Variants in ZNF721 observed in about 807,000 individuals in gnomAD.
ZNF721 encodes zinc finger protein 721.
Under a neutral mutation model 2.4 loss-of-function variants are expected in ZNF721, and 2 were observed. The observed-to-expected ratio is 0.82, with a 90% CI of 0.34 to 2.58. ZNF721 has a LOEUF of 2.58. ZNF721 is among the 30% of genes most tolerant of loss of function. The probability of loss-of-function intolerance (pLI) is 0.11; values close to 1 mark genes in which losing one functional copy is unlikely to be tolerated. For missense variants in ZNF721, 1,187 were observed against 1,085.5 expected (o/e 1.09, Z -1.31); for synonymous variants, 398 against 381.8 (o/e 1.04, Z -0.50).
At chr4:470,592 A>T (rs993928475) in intron 2 of ZNF721, among the ~76,000 whole-genome samples, 5 of 152,096 alleles carry the variant, frequency 3.3e-5, no homozygotes, top group Non-Finnish European at 5.9e-5. Flanking sequence ...GCATGCCTGT[A>T]ATTCCCAGCT....
In ZNF721 at chr4:444,414, G is replaced by C; in HGVS notation, c.53C>G (p.Thr18Ser). ...CCCCTGCACTGGCAAAAAGTCTTGG[G>C]TGAAATGAGAACACATAGCTGAAAG... is the stretch of plus-strand genomic sequence containing the variant. ...LVSLAMCSHF[T>S]QDFLPVQGIE... The change falls in exon 3 of 3, where the codon ACC (threonine) becomes AGC (serine). Residue 18 changes from threonine to serine, a missense_variant. Coordinates refer to ENST00000511833, the MANE Select transcript of ZNF721 (RefSeq NM_133474.4). 6.3e-7 allele frequency: 1 copy of C among 1,587,576 alleles called. No homozygotes were observed. The highest frequency in any genetic ancestry group is 8.6e-7 in the Non-Finnish European group (1 of 1,168,718).
intron 2 of ZNF721, among the ~76,000 whole-genome samples, chr4:446,974 C>T (rs989305625): frequency 2.0e-5 from 3 of 152,180 alleles, no homozygotes; most frequent in Non-Finnish European, 2.9e-5. Context: ...ACGTGAGTCA[C>T]CGCGCCTGGC....
In ZNF721 at chr4:441,843, C is replaced by G. The variant is rs1553863176; in HGVS notation, c.2624G>C (p.Arg875Thr). Residue 875 changes from arginine (R) to threonine (T), a missense_variant, in exon 3 of 3, where the codon AGA becomes ACA. Physicochemically the swap from Arg to Thr is moderately conservative, Grantham distance 71 (BLOSUM62 -1). Transcript: ENST00000511833. ...ATGCGCATAAAGATTTGCAGACTGT[C>G]TAAAGGTTTTGCCACATTCTCCACA... ...YTCGECGKTFRQSANLYAHKK... is the reference protein window; with the variant it reads ...YTCGECGKTFTQSANLYAHKK... 1 of 1,613,958 alleles carries G rather than the reference C, an allele frequency of 6.2e-7. No homozygotes were observed. The highest frequency in any genetic ancestry group is 1.1e-5 in the South Asian group (1 of 91,068).
intron 2 of ZNF721, among the ~76,000 whole-genome samples, chr4:458,249 A>G (rs1372881002): frequency 2.0e-5 from 3 of 152,204 alleles, no homozygotes; most frequent in African/African-American, 7.2e-5. Context: ...CAGAAAATAG[A>G]TAGAATCCAC....
At chr4:493,466 G>C (rs1352169333) in intron 1 of ZNF721, among the ~76,000 whole-genome samples, 1 of 152,160 alleles carries the variant, frequency 6.6e-6, no homozygotes. Context: ...GTCACCTACG[G>C]TCAGGAGTTC....
chr4:475,640 A>G (rs184743376), intron 1 of ZNF721, among the ~76,000 whole-genome samples: 1 of 152,024 alleles, frequency 6.6e-6, no homozygotes. Context: ...AAGTCTACCA[A>G]TTCTTCCTAT....
In ZNF721 at chr4:496,553, G is replaced by A. The variant is rs1553872222; in HGVS notation, c.-94+2503C>T. On this transcript the variant is annotated intron_variant, in intron 1 of 2. Coordinates refer to ENST00000511833, the MANE Select transcript of ZNF721 (RefSeq NM_133474.4). ...GGCAGGTGCTCTTATTTCTTCAGAG[G>A]GGAAGATTCTACACTCATGAGCTAG... Among the ~76,000 whole-genome samples, 6 of 152,048 alleles carry A rather than the reference G, an allele frequency of 3.9e-5. No homozygotes were observed. In the South Asian group the frequency reaches 1.2e-3, roughly 32 times the overall value.
At chr4:447,196 A>G (rs1173456060) in intron 2 of ZNF721, among the ~76,000 whole-genome samples, 1 of 151,724 alleles carries the variant, frequency 6.6e-6, no homozygotes, top group Non-Finnish European at 1.5e-5. Flanking sequence ...GGTGGCAGGC[A>G]CCGTACTCCC....
intron 2 of ZNF721, among the ~76,000 whole-genome samples, chr4:465,959 T>G (rs927509384): frequency 2.0e-5 from 3 of 151,862 alleles, no homozygotes; most frequent in Admixed American, 2.0e-4. Context: ...TCATAAGTTA[T>G]TTCTCTGCCT....
At chr4:453,904 A>C (rs1258057251) in intron 2 of ZNF721, 1 of 152,200 alleles carries the variant, frequency 6.6e-6, no homozygotes, top group Admixed American at 6.5e-5. Flanking sequence ...TATCCTGCCC[A>C]ATATGCCTGG....
intron 1 of ZNF721, among the ~76,000 whole-genome samples, chr4:494,771 T>C (rs1235156808): frequency 6.6e-6 from 1 of 152,182 alleles, no homozygotes; most frequent in Non-Finnish European, 1.5e-5. Context: ...GAGACCAGTT[T>C]TATTTAGATA....
chr4:491,599 A>C (rs1716024539), intron 1 of ZNF721, among the ~76,000 whole-genome samples: 1 of 152,256 alleles, frequency 6.6e-6, no homozygotes, highest in South Asian at 2.1e-4. Context: ...TCTTAAGAGG[A>C]AACATGAACA....
chr4:452,845 A>C (rs1714716014), intron 2 of ZNF721, among the ~76,000 whole-genome samples: 1 of 152,194 alleles, frequency 6.6e-6, no homozygotes, highest in African/African-American at 2.4e-5. Flanking sequence ...TTGGGTCATG[A>C]GTTTCCCCAA....
At position 441,627 on chromosome 4, in the gene ZNF721, T is replaced by G; in HGVS notation, c.*68A>C. On this transcript the variant is annotated 3_prime_UTR_variant, in exon 3 of 3. Transcript: ENST00000511833. Reference sequence around the variant, plus strand: ...CGACATTCGTCACCTTCGTAAGACATTCCCCTGGTATGAGTTCTCTTATGT... The same window carrying G: ...CGACATTCGTCACCTTCGTAAGACAGTCCCCTGGTATGAGTTCTCTTATGT... 2 of 1,330,194 alleles carry G rather than the reference T, an allele frequency of 1.5e-6. No homozygotes were observed. Among genetic ancestry groups the G allele is most frequent in the Non-Finnish European group, 1.0e-6 (1 of 979,050 alleles). The allele number at this position is 1,330,194 out of a possible 1,614,324, so 82.4% of individuals were successfully genotyped here. A position where few individuals can be genotyped will look rare whatever the true frequency, so the allele number is the denominator to read the frequency against.
At chr4:495,029 C>G (rs1234524416) in intron 1 of ZNF721, among the ~76,000 whole-genome samples, 6 of 151,736 alleles carry the variant, frequency 4.0e-5, no homozygotes, top group Non-Finnish European at 8.8e-5. Context: ...ACTACAGGCG[C>G]CGGCCACCAT....
chr4:446,902 G>A (rs1472824808), intron 2 of ZNF721, among the ~76,000 whole-genome samples: 1 of 151,864 alleles, frequency 6.6e-6, no homozygotes, highest in African/African-American at 2.4e-5. Context: ...TGTTGACCAG[G>A]ATGGTCTCGA....
chr4:455,487 A>C (rs1053124400), intron 2 of ZNF721, among the ~76,000 whole-genome samples: 13 of 152,164 alleles, frequency 8.5e-5, no homozygotes, highest in Non-Finnish European at 1.5e-5. Flanking sequence ...GAATCGTTTG[A>C]ATCTGGGAGG....
intron 2 of ZNF721, among the ~76,000 whole-genome samples, chr4:457,455 A>G (rs1218090363): frequency 2.0e-5 from 3 of 152,192 alleles, no homozygotes; most frequent in Non-Finnish European, 2.9e-5. Flanking sequence ...AATGTGTCCA[A>G]TTTTCATTGT....
Position 444,285 on chromosome 4 carries a change from A to C in ZNF721, c.182T>G (p.Val61Gly). The C allele has an allele frequency of 6.2e-7, 1 of 1,614,100 alleles. No homozygotes were observed. The highest frequency in any genetic ancestry group is 8.5e-7 in the Non-Finnish European group (1 of 1,179,988). Residue 61 changes from valine to glycine, a missense_variant, in exon 3 of 3, where the codon GTG (valine) becomes GGG (glycine). Val to Gly is a moderately radical substitution (Grantham distance 109). Transcript: ENST00000511833. Reference protein sequence around the residue: ...KGCKSMNVCKVQKGVYNGINK... With the variant: ...KGCKSMNVCKGQKGVYNGINK... ...AATTCCATTATAAACTCCCTTCTGC[A>C]CTTTACACACGTTCATACTTTTACA...
Sources: allele counts gnomAD v4.1 joint callset (sites outside exome capture counted in the v4.1 genomes callset), GRCh38; gene constraint gnomAD v4.1.1; transcripts MANE v1.5; gene names NCBI Gene and HGNC (gene_info 2026-07-23, HGNC 2026-07-21).